The following RARG variants were observed in gnomAD, a reference collection of about 807,000 sequenced individuals.
The protein encoded by RARG is RAR-gamma.
In RARG, 17 loss-of-function variants were observed where a neutral mutation model predicts 43.7. The observed-to-expected ratio is 0.39, with a 90% CI of 0.27 to 0.58. The LOEUF is 0.58. RARG is among the 20% of genes least tolerant of loss of function. The pLI is 0.57. For synonymous variants in RARG, 238 were observed against 236.4 expected, an observed-to-expected ratio of 1.01 and a Z score of -0.06; for missense variants, 346 against 598.7, an observed-to-expected ratio of 0.58 and a Z score of 4.40.
Position 53,215,418 on chromosome 12 carries a change from C to G in RARG, c.350G>C (p.Ser117Thr). The change falls in exon 5 of 10, where the codon AGC becomes ACC. Residue 117 changes from serine to threonine, a missense_variant. Physicochemically the swap from Ser to Thr is moderately conservative, Grantham distance 58. Around this residue, in one of 8 missense-constraint regions of RARG, gnomAD observed 50 missense variants for 117.7 expected, o/e 0.42. Transcript: ENST00000425354. This position sits in a 1 kb window ranked among gnomAD's most constrained non-coding sequence, Gnocchi z 6.4. Reference protein sequence around the residue: ...CEGCKGFFRRSIQKNMVYTCH... With the variant: ...CEGCKGFFRRTIQKNMVYTCH... ...CGTGTACACCATGTTCTTCTGGATG[C>G]TTCGGCGAAAGAAGCCCTGGAGTTG... 1 of 1,614,102 alleles carries G rather than the reference C, an allele frequency of 6.2e-7. No homozygotes were observed. The highest frequency in any genetic ancestry group is 1.3e-5 in the African/African-American group (1 of 75,022).
intron 3 of RARG, chr12:53,220,529 G>A (rs554294480): frequency 3.9e-4 from 129 of 330,886 alleles, no homozygotes; most frequent in African/African-American, 2.4e-3. Context: ...ATCCGTGCAT[G>A]CATTTATCTT....
At chr12:53,218,783 G>C (rs544206042) in intron 3 of RARG, among the ~76,000 whole-genome samples, 3 of 151,528 alleles carry the variant, frequency 2.0e-5, no homozygotes, top group Admixed American at 2.0e-4. Context: ...CACTCCCCCA[G>C]CGCCCGCCGC....
intron 5 of RARG, chr12:53,214,889 A>G (rs1942717013): frequency 2.4e-6 from 1 of 424,598 alleles, no homozygotes; most frequent in Admixed American, 3.8e-5. Flanking sequence ...GGGGCAGGAT[A>G]TGCAGGCGGC....
Position 53,232,064 on chromosome 12 carries a change from G to A in RARG, c.-300C>T. On this transcript the variant is annotated 5_prime_UTR_variant, in exon 1 of 10. Coordinates refer to ENST00000425354, the MANE Select transcript of RARG (RefSeq NM_000966.6). ...TGGAGCGTCGCAATGTCCGGGGCTC[G>A]CCGTACTGGGGGGCTCCTGGGGGGG... 1.0e-5 allele frequency: 4 copies of A among 398,542 alleles called. No homozygotes were observed. The highest frequency in any genetic ancestry group is 4.4e-5 in the Admixed American group (1 of 22,742). The allele number at this position is 398,542 out of a possible 1,614,324, so 24.7% of individuals were successfully genotyped here. A position where few individuals can be genotyped will look rare whatever the true frequency, so the allele number is the denominator to read the frequency against.
chr12:53,229,146 C>T (rs1943174761), intron 2 of RARG, among the ~76,000 whole-genome samples: 2 of 152,144 alleles, frequency 1.3e-5, no homozygotes, highest in African/African-American at 4.8e-5. Context: ...GAGGAAAAGT[C>T]ACCCCAGCCT....
At chr12:53,221,175 A>C (rs1461571642) in intron 3 of RARG, among the ~76,000 whole-genome samples, 4 of 25,188 alleles carry the variant, frequency 1.6e-4, no homozygotes, top group Non-Finnish European at 2.2e-4. Flanking sequence ...CGCCCCCTCC[A>C]GCGCAGCCAG....
In RARG at chr12:53,213,428, C is replaced by A. The variant is rs1030996164; in HGVS notation, c.1018+68G>T. Reference sequence around the variant, plus strand: ...TGGGTCCTCCACGCCCCCTCCCAGACAGATTCCGCATGGAGTGGTGGGAAA... The same window carrying A: ...TGGGTCCTCCACGCCCCCTCCCAGAAAGATTCCGCATGGAGTGGTGGGAAA... On this transcript the variant is annotated intron_variant, in intron 8 of 9. Transcript: ENST00000425354. This position sits in a 1 kb window ranked among gnomAD's most constrained non-coding sequence, Gnocchi z 4.7. 1 of 1,561,818 alleles carries A rather than the reference C, an allele frequency of 6.4e-7. No homozygotes were observed. Among genetic ancestry groups the A allele is most frequent in the Admixed American group, 1.7e-5 (1 of 58,314 alleles).
chr12:53,221,856 C>A (rs1213673667), intron 3 of RARG, among the ~76,000 whole-genome samples: 2 of 151,906 alleles, frequency 1.3e-5, no homozygotes, highest in Non-Finnish European at 2.9e-5. Flanking sequence ...GCCCTTCCCC[C>A]GCCAGGCGGC....
chr12:53,224,963 T>G (rs576514486), intron 3 of RARG, among the ~76,000 whole-genome samples: 2 of 152,120 alleles, frequency 1.3e-5, no homozygotes, highest in South Asian at 2.1e-4. Flanking sequence ...GGGGACTGGG[T>G]ACTAGCTCTA....
In RARG at chr12:53,227,484, G is replaced by A. The variant is rs1943136317; in HGVS notation, c.62C>T (p.Pro21Leu). 2 of 1,608,714 alleles carry A rather than the reference G, an allele frequency of 1.2e-6. No individual in the cohort carries two copies. Among genetic ancestry groups the A allele is most frequent in the African/African-American group, 1.3e-5 (1 of 74,722 alleles). The change falls in exon 3 of 10, where the codon CCA becomes CTA. Residue 21 changes from proline (P) to leucine (L), a missense_variant. Physicochemically the swap from Pro to Leu is moderately conservative, Grantham distance 98. Around this residue, in one of 8 missense-constraint regions of RARG, gnomAD observed 90 missense variants for 93.2 expected, o/e 0.97. Transcript: ENST00000425354. This position sits in a 1 kb window ranked among gnomAD's most constrained non-coding sequence, Gnocchi z 4.3. ...AGALGPGSGY[P>L]GAGFPFAFPG... ...GAAGGCGAAGGGGAAACCTGCCCCT[G>A]GGTAGCCAGATCCAGGCCCCAGGGC... is the stretch of plus-strand genomic sequence containing the variant.
intron 3 of RARG, among the ~76,000 whole-genome samples, chr12:53,223,523 G>GCCCCCCCCCCCCCCCCCC (rs139275762): frequency 9.6e-6 from 1 of 103,656 alleles, no homozygotes; most frequent in Admixed American, 9.6e-5. Flanking sequence ...GGCTCCCCCC[G>GCCCCCCCCCCCCCCCCCC]CCCCCCCCCC....
chr12:53,229,456 T>C (rs918700939), intron 2 of RARG, among the ~76,000 whole-genome samples: 2 of 152,090 alleles, frequency 1.3e-5, no homozygotes, highest in African/African-American at 4.8e-5. Flanking sequence ...CACATTTCAC[T>C]CAGCCCTTAT....
chr12:53,215,429 G>A lies in RARG; in HGVS notation c.339C>T (p.Phe113=). The change falls in exon 5 of 10, where the codon TTC becomes TTT. Residue 113 remains phenylalanine, a synonymous_variant. Transcript: ENST00000425354. The surrounding 1 kb of genome is among the most constrained non-coding windows in gnomAD (Gnocchi z 6.4). ...GVSSCEGCKG[F]FRRSIQKNMV... is the part of the protein sequence containing the mutation. ...TGTTCTTCTGGATGCTTCGGCGAAA[G>A]AAGCCCTGGAGTTGAGGGAAAGAGA... 1 of 1,614,114 alleles carries A rather than the reference G, an allele frequency of 6.2e-7. No homozygotes were observed. The highest frequency in any genetic ancestry group is 8.5e-7 in the Non-Finnish European group (1 of 1,179,984).
rs1942725396 is a variant in RARG at position 53,215,118 on chromosome 12, G to GT, written c.475+174dup. Among the ~76,000 whole-genome samples the GT allele has an allele frequency of 6.6e-6, 1 of 152,204 alleles. No homozygotes were observed. Among genetic ancestry groups the GT allele is most frequent in the Non-Finnish European group, 1.5e-5 (1 of 68,030 alleles). ...TCCCTGAGAGGGAGAATGGGAAATG[G>GT]TGGGGCCTCCTGGTTGAATGGAGCT... is the stretch of plus-strand genomic sequence containing the variant. On this transcript the variant is annotated intron_variant, in intron 5 of 9. Transcript: ENST00000425354. The surrounding 1 kb of genome is among the most constrained non-coding windows in gnomAD (Gnocchi z 6.4).
rs1943073923 is a variant in RARG at position 53,225,085 on chromosome 12, T to C, written c.184+2277A>G. Among the ~76,000 whole-genome samples, 3 of 152,356 alleles carry C rather than the reference T, an allele frequency of 2.0e-5. No homozygotes were observed. The South Asian group carries it at 6.2e-4, about 32-fold the overall frequency. ...CCCAAGAGGCTGAGTTGTAGGGTTC[T>C]CTGCCAGAAGTACATTCATGTGGGG... On this transcript the variant is annotated intron_variant, in intron 3 of 9. Transcript: ENST00000425354.
chr12:53,215,249 G>A lies in RARG; in HGVS notation c.475+44C>T, dbSNP rs993588755. Reference sequence around the variant, plus strand: ...GAGGAAAGAGGGCCACAGCCATAGGGTAGGACCGAAGTGCTCCTGCCCAAG... The same window carrying A: ...GAGGAAAGAGGGCCACAGCCATAGGATAGGACCGAAGTGCTCCTGCCCAAG... On this transcript the variant is annotated intron_variant, in intron 5 of 9. Transcript: ENST00000425354. The surrounding 1 kb of genome is among the most constrained non-coding windows in gnomAD (Gnocchi z 6.4). The A allele has an allele frequency of 6.2e-7, 1 of 1,604,470 alleles. No homozygotes were observed. Among genetic ancestry groups the A allele is most frequent in the Non-Finnish European group, 8.5e-7 (1 of 1,174,878 alleles).
Position 53,211,417 on chromosome 12 carries a change from G to C in RARG, c.*259C>G, listed in dbSNP as rs553059844. 2.9e-6 allele frequency: 1 copy of C among 350,312 alleles called. No individual in the cohort carries two copies. Among genetic ancestry groups the C allele is most frequent in the East Asian group, 4.4e-5 (1 of 22,834 alleles). The allele number at this position is 350,312 out of a possible 1,614,324, so 21.7% of individuals were successfully genotyped here. ...CATGGGGCAGTGCTGAGATTTTAGA[G>C]TCCAAACCCAGGCTCATCCCTTTGC... On this transcript the variant is annotated 3_prime_UTR_variant, in exon 10 of 10. Transcript: ENST00000425354. The surrounding 1 kb of genome is among the most constrained non-coding windows in gnomAD (Gnocchi z 4.6).
At chr12:53,223,838 T>C (rs1182911676) in intron 3 of RARG, among the ~76,000 whole-genome samples, 1 of 152,170 alleles carries the variant, frequency 6.6e-6, no homozygotes, top group African/African-American at 2.4e-5. Flanking sequence ...AGTTTCTCCA[T>C]GTGTGGTGAC....
intron 3 of RARG, among the ~76,000 whole-genome samples, chr12:53,217,494 C>A (rs1439023182): frequency 1.3e-5 from 2 of 152,226 alleles, no homozygotes; most frequent in Non-Finnish European, 2.9e-5. Context: ...TGGCATGGGG[C>A]AGTGCCAGCC....
Sources: allele counts gnomAD v4.1 joint callset (sites outside exome capture counted in the v4.1 genomes callset), GRCh38; gene constraint gnomAD v4.1.1; regional missense constraint gnomAD v4.1.1; non-coding constraint Gnocchi (gnomAD v3.1); transcripts MANE v1.5; gene names NCBI Gene and HGNC (gene_info 2026-07-23, HGNC 2026-07-21).